Variants in SRD5A2 observed in about 807,000 individuals in gnomAD.
SRD5A2 encodes steroid 5 alpha-reductase 2, also known as 3-oxo-5-alpha-steroid 4-dehydrogenase 2.
Under a neutral mutation model 27.4 loss-of-function variants are expected in SRD5A2, and 30 were observed. The ratio of observed to expected loss-of-function variants is 1.10; its 90% CI spans 0.82 to 1.49. SRD5A2 has a LOEUF of 1.49. Ranked by LOEUF, SRD5A2 falls within the 40% of genes most tolerant of loss-of-function variation. The probability of loss-of-function intolerance (pLI) is 0.00; values close to 1 mark genes in which losing one functional copy is unlikely to be tolerated. For missense variants in SRD5A2, 348 were observed against 323.4 expected (o/e 1.08, Z -0.58); for synonymous variants, 141 against 133.6 (o/e 1.06, Z -0.38).
At chr2:31,558,699 A>C (rs1666551728) in intron 1 of SRD5A2, among the ~76,000 whole-genome samples, 1 of 152,172 alleles carries the variant, frequency 6.6e-6, no homozygotes, top group Non-Finnish European at 1.5e-5. Flanking sequence ...TGGCACACTA[A>C]ATATATGATT....
chr2:31,549,361 C>T lies in SRD5A2; in HGVS notation c.282-15595G>A, dbSNP rs186995768. Among the ~76,000 whole-genome samples, 1,241 of 151,936 alleles carry T rather than the reference C, an allele frequency of 8.2e-3. 16 individuals carry two copies. The highest frequency in any genetic ancestry group is 0.012 in the Non-Finnish European group (840 of 67,958). On this transcript the variant is annotated intron_variant, in intron 1 of 4. Coordinates refer to ENST00000622030, the MANE Select transcript of SRD5A2 (RefSeq NM_000348.4). ...TCTCCTGACCTCATGGTCCACCCGC[C>T]TCGGCCTTCCAAAGTGCTGGGATTA... is the stretch of plus-strand genomic sequence containing the variant.
the SRD5A2 span, among the ~76,000 whole-genome samples, chr2:31,594,678 G>A: frequency 6.6e-6 from 1 of 151,956 alleles, no homozygotes; most frequent in South Asian, 2.1e-4. Context: ...AAAAAACAGT[G>A]GACTTAAACT....
chr2:31,572,069 G>A (rs1666859366), intron 1 of SRD5A2, among the ~76,000 whole-genome samples: 1 of 152,016 alleles, frequency 6.6e-6, no homozygotes, highest in African/African-American at 2.4e-5. Flanking sequence ...GTCAAGACAT[G>A]AACTCAACCT....
upstream of SRD5A2, among the ~76,000 whole-genome samples, chr2:31,581,577 T>C (rs919077340): frequency 3.3e-5 from 5 of 152,130 alleles, no homozygotes; most frequent in African/African-American, 9.7e-5. Context: ...CTCAGCGGTT[T>C]CTCTCTGCAT....
At chr2:31,628,979 G>A in the SRD5A2 span, among the ~76,000 whole-genome samples, 1 of 152,140 alleles carries the variant, frequency 6.6e-6, no homozygotes, top group African/African-American at 2.4e-5. Context: ...TAATTTTAGT[G>A]TTATATAGTG....
the SRD5A2 span, among the ~76,000 whole-genome samples, chr2:31,625,761 T>C: frequency 1.3e-5 from 2 of 152,220 alleles, no homozygotes; most frequent in Non-Finnish European, 2.9e-5. Context: ...TTGGTTACTG[T>C]AGGCTTGCAG....
chr2:31,526,429 G>A (rs1029223078), intron 4 of SRD5A2, among the ~76,000 whole-genome samples, 167 bp from the exon 5 acceptor site: 4 of 152,166 alleles, frequency 2.6e-5, no homozygotes, highest in African/African-American at 7.2e-5. Context: ...CCTATTTCTT[G>A]TAAATGTTGA....
At chr2:31,652,986 T>C in the SRD5A2 span, among the ~76,000 whole-genome samples, 5 of 152,174 alleles carry the variant, frequency 3.3e-5, no homozygotes, top group East Asian at 9.6e-4. Context: ...CTCCTTCCTG[T>C]TTATTCCCTG....
At chr2:31,623,836 C>G in the SRD5A2 span, among the ~76,000 whole-genome samples, 10 of 151,840 alleles carry the variant, frequency 6.6e-5, no homozygotes, top group African/African-American at 2.2e-4. Flanking sequence ...TTATTGAAGC[C>G]CTTTTCTGCA....
the SRD5A2 span, among the ~76,000 whole-genome samples, chr2:31,600,304 C>T: frequency 3.3e-5 from 5 of 151,888 alleles, no homozygotes; most frequent in South Asian, 8.3e-4. Context: ...TGAGTGCACA[C>T]GTCTTTACGA....
intron 1 of SRD5A2, among the ~76,000 whole-genome samples, chr2:31,560,186 G>A (rs1281621300): frequency 1.3e-5 from 2 of 151,508 alleles, no homozygotes; most frequent in Admixed American, 1.3e-4. Flanking sequence ...CTGAAGTCCT[G>A]GCCCTATATC....
chr2:31,589,921 G>A, the SRD5A2 span, among the ~76,000 whole-genome samples: 1 of 152,266 alleles, frequency 6.6e-6, no homozygotes, highest in African/African-American at 2.4e-5. Flanking sequence ...CAGTGCTGTT[G>A]GAGGGGCATG....
At chr2:31,631,888 C>T in the SRD5A2 span, among the ~76,000 whole-genome samples, 195 of 152,272 alleles carry the variant, frequency 1.3e-3, 1 homozygote, top group African/African-American at 4.5e-3. Context: ...GTGCTGCAGA[C>T]ATTTACTAAC....
intron 1 of SRD5A2, among the ~76,000 whole-genome samples, chr2:31,566,222 T>C (rs928571048): frequency 6.6e-6 from 1 of 152,056 alleles, no homozygotes; most frequent in Non-Finnish European, 1.5e-5. Flanking sequence ...TAGGATGAAA[T>C]TCAAAGCAAT....
the SRD5A2 span, among the ~76,000 whole-genome samples, chr2:31,660,434 T>G: frequency 6.6e-6 from 1 of 152,018 alleles, no homozygotes; most frequent in Non-Finnish European, 1.5e-5. Context: ...CAAAAACACA[T>G]GTGCATGAGT....
At chr2:31,534,545 T>C (rs887055937) in intron 1 of SRD5A2, among the ~76,000 whole-genome samples, 1 of 152,238 alleles carries the variant, frequency 6.6e-6, no homozygotes, top group African/African-American at 2.4e-5. Flanking sequence ...TGAAAACTGA[T>C]ATTTGATTCT....
chr2:31,569,505 C>T (rs968332999), intron 1 of SRD5A2, among the ~76,000 whole-genome samples: 1 of 152,054 alleles, frequency 6.6e-6, no homozygotes, highest in African/African-American at 2.4e-5. Flanking sequence ...TAATAATGAG[C>T]ATCCTTTCAT....
At chr2:31,609,784 T>C in the SRD5A2 span, among the ~76,000 whole-genome samples, 742 of 152,134 alleles carry the variant, frequency 4.9e-3, 8 homozygotes, top group African/African-American at 0.017. Flanking sequence ...ATCAGGAAAG[T>C]GAAAAGATGG....
intron 1 of SRD5A2, among the ~76,000 whole-genome samples, chr2:31,552,107 T>C (rs1666392749): frequency 1.3e-5 from 2 of 151,508 alleles, no homozygotes; most frequent in South Asian, 2.1e-4. Context: ...AGCAAGATGG[T>C]AGAATAAATG....
Sources: allele counts gnomAD v4.1 joint callset (sites outside exome capture counted in the v4.1 genomes callset), GRCh38; gene constraint gnomAD v4.1.1; transcripts MANE v1.5; gene names NCBI Gene and HGNC (gene_info 2026-07-23, HGNC 2026-07-21).